The following ARHGAP28 variants were observed in gnomAD, a reference collection of about 807,000 sequenced individuals.
The protein encoded by ARHGAP28 is Rho GTPase activating protein 28.
A neutral mutation model predicts 90.7 loss-of-function variants in ARHGAP28; 56 were observed. The observed-to-expected ratio is 0.62, with a 90% CI of 0.50 to 0.77. The LOEUF is 0.77. Among genes scored for constraint, ARHGAP28 ranks in the 30% least tolerant of loss-of-function variants. The pLI, the probability that ARHGAP28 is intolerant of heterozygous loss-of-function variation, is 0.00. For synonymous variants in ARHGAP28, 308 were observed against 323.3 expected (o/e 0.95, Z 0.51); for missense variants, 869 against 900.9 (o/e 0.96, Z 0.45).
chr18:6,732,144 T>A (rs1165292946), intron 1 of ARHGAP28, among the ~76,000 whole-genome samples: 2 of 152,108 alleles, frequency 1.3e-5, no homozygotes, highest in Non-Finnish European at 2.9e-5. Flanking sequence ...TAGAATATAG[T>A]ATCTTTCTAT....
chr18:6,827,463 G>T (rs1193923147), intron 2 of ARHGAP28, among the ~76,000 whole-genome samples: 7 of 141,498 alleles, frequency 4.9e-5, no homozygotes, highest in Admixed American at 4.1e-4. Flanking sequence ...CGGGCAGAGG[G>T]GCTCCTCACT....
intron 1 of ARHGAP28, among the ~76,000 whole-genome samples, chr18:6,733,107 C>T (rs1300542015): frequency 6.6e-6 from 1 of 152,134 alleles, no homozygotes; most frequent in Non-Finnish European, 1.5e-5. Flanking sequence ...ATGTATGGAG[C>T]ATAATAAGTG....
chr18:6,795,721 T>C (rs2056437069), intron 1 of ARHGAP28, among the ~76,000 whole-genome samples: 1 of 152,152 alleles, frequency 6.6e-6, no homozygotes, highest in Non-Finnish European at 1.5e-5. Context: ...TGTAGTTCAC[T>C]GATCCCTGCT....
intron 3 of ARHGAP28, among the ~76,000 whole-genome samples, chr18:6,843,482 T>C (rs2056843214): frequency 6.6e-6 from 1 of 152,246 alleles, no homozygotes; most frequent in Non-Finnish European, 1.5e-5. Context: ...TTTTACAGGC[T>C]GAGGTTTTCC....
intron 11 of ARHGAP28, among the ~76,000 whole-genome samples, chr18:6,886,399 T>A (rs1435645871): frequency 6.6e-6 from 1 of 152,138 alleles, no homozygotes; most frequent in Non-Finnish European, 1.5e-5. Context: ...GTGGATGGAA[T>A]CCCTGAGTAT....
At chr18:6,835,575 G>A (rs2056747007) in intron 2 of ARHGAP28, among the ~76,000 whole-genome samples, 1 of 152,104 alleles carries the variant, frequency 6.6e-6, no homozygotes, top group Non-Finnish European at 1.5e-5. Context: ...TAATGCTTTG[G>A]CATGCTGTTT....
chr18:6,770,901 G>A (rs1178695167), intron 1 of ARHGAP28, among the ~76,000 whole-genome samples: 1 of 152,090 alleles, frequency 6.6e-6, no homozygotes, highest in African/African-American at 2.4e-5. Context: ...ACCATACTCT[G>A]TTCTTAGAGA....
chr18:6,832,509 T>C (rs2056724009), intron 2 of ARHGAP28, among the ~76,000 whole-genome samples: 1 of 152,052 alleles, frequency 6.6e-6, no homozygotes, highest in Non-Finnish European at 1.5e-5. Flanking sequence ...AATCTCTAAC[T>C]TTTATTGTGT....
intron 1 of ARHGAP28, among the ~76,000 whole-genome samples, chr18:6,753,945 G>A (rs973942426): frequency 6.6e-6 from 1 of 152,156 alleles, no homozygotes; most frequent in African/African-American, 2.4e-5. Context: ...ATTCTGGTCT[G>A]CACTAGCACA....
intron 1 of ARHGAP28, among the ~76,000 whole-genome samples, chr18:6,788,008 T>C (rs1017297629): frequency 6.6e-6 from 1 of 152,222 alleles, no homozygotes; most frequent in Non-Finnish European, 1.5e-5. Flanking sequence ...CTTCAGTTTC[T>C]CCTGGCCTTG....
At chr18:6,840,314 C>T (rs145493664) in intron 3 of ARHGAP28, among the ~76,000 whole-genome samples, 2 of 152,258 alleles carry the variant, frequency 1.3e-5, no homozygotes, top group Non-Finnish European at 2.9e-5. Flanking sequence ...TTGAATTTTG[C>T]TTTTCTCTAG....
At chr18:6,818,031 AAATT>A (rs2056603354) in intron 1 of ARHGAP28, among the ~76,000 whole-genome samples, 1 of 152,218 alleles carries the variant, frequency 6.6e-6, no homozygotes, top group Non-Finnish European at 1.5e-5. Flanking sequence ...ACATGCTATC[AAATT>A]AATTAAATTG....
intron 1 of ARHGAP28, among the ~76,000 whole-genome samples, chr18:6,748,006 CA>C (rs1171525870): frequency 6.6e-6 from 1 of 152,150 alleles, no homozygotes; most frequent in African/African-American, 2.4e-5. Context: ...TATGTGAATG[CA>C]AAAATATTAC....
chr18:6,737,165 T>G (rs2055936220), intron 1 of ARHGAP28, among the ~76,000 whole-genome samples: 1 of 152,176 alleles, frequency 6.6e-6, no homozygotes, highest in African/African-American at 2.4e-5. Flanking sequence ...TGGAAATAAA[T>G]TCTATCTGTT....
intron 2 of ARHGAP28, among the ~76,000 whole-genome samples, chr18:6,827,011 C>T (rs2056670022): frequency 6.6e-6 from 1 of 152,134 alleles, no homozygotes; most frequent in Non-Finnish European, 1.5e-5. Flanking sequence ...GGGGTAAGGT[C>T]ACAGATCAAC....
At chr18:6,860,631 C>A (rs1007403286) in intron 5 of ARHGAP28, among the ~76,000 whole-genome samples, 3 of 152,180 alleles carry the variant, frequency 2.0e-5, no homozygotes, top group African/African-American at 7.2e-5. Context: ...TCTGCTGGGG[C>A]AGTTTTTCCT....
intron 3 of ARHGAP28, among the ~76,000 whole-genome samples, chr18:6,841,208 C>CCTCTCTCTCTCTCTCTCTCTCTCT (rs369622522): frequency 2.3e-5 from 1 of 43,136 alleles, no homozygotes; most frequent in Non-Finnish European, 4.5e-5. Context: ...TCTCTCCTCT[C>CCTCTCTCTCTCTCTCTCTCTCTCT]CTCTCTCTCT....
At position 6,908,995 on chromosome 18, in the gene ARHGAP28, A is replaced by G; in HGVS notation, c.2066A>G (p.Gln689Arg). The G allele has an allele frequency of 6.5e-7, 1 of 1,538,104 alleles. No homozygotes were observed. Among genetic ancestry groups the G allele is most frequent in the Non-Finnish European group, 9.0e-7 (1 of 1,115,554 alleles). Reference sequence around the variant, plus strand: ...TCAGAATGTATTAAGATTCAGAACCAAAGGTTATATGAAATTGGAGGAAAT... The same window carrying G: ...TCAGAATGTATTAAGATTCAGAACCGAAGGTTATATGAAATTGGAGGAAAT... ...GSSECIKIQN[Q>R]RLYEIGGNIG... is the part of the protein sequence containing the mutation. The change falls in exon 17 of 18, where the codon CAA becomes CGA. Residue 689 changes from glutamine (Q) to arginine (R), a missense_variant. Gln to Arg is a conservative substitution (Grantham distance 43). Transcript: ENST00000383472.
chr18:6,752,093 G>A lies in ARHGAP28; in HGVS notation c.122+22150G>A, dbSNP rs146491455. On this transcript the variant is annotated intron_variant, in intron 1 of 17. Transcript: ENST00000383472. ...TTTTAACTATTAAATAATTTTCAAGGTGGTCATTATTATATGCACTTAATT... is the reference window on the plus strand; with the variant it reads ...TTTTAACTATTAAATAATTTTCAAGATGGTCATTATTATATGCACTTAATT... 1.6e-4 allele frequency among the ~76,000 whole-genome samples: 25 copies of A among 152,262 alleles called. No homozygotes were observed. In the East Asian group the frequency reaches 4.6e-3, roughly 28 times the overall value.
Sources: gnomAD v4.1 joint callset for allele counts (sites outside exome capture counted in the v4.1 genomes callset) on GRCh38, gnomAD v4.1.1 for gene constraint, MANE v1.5 for transcripts, NCBI Gene and HGNC (gene_info 2026-07-23, HGNC 2026-07-21) for gene names.